Variants in FMN2 observed in about 807,000 individuals in gnomAD.
FMN2 encodes the protein formin-2.
Under a neutral mutation model 142.3 loss-of-function variants are expected in FMN2, and 51 were observed. That is an observed-to-expected ratio of 0.36 (90% CI 0.29 to 0.45). FMN2 has a LOEUF of 0.45. Ranked by LOEUF, FMN2 falls within the 20% of genes least tolerant of loss-of-function variation. The probability of loss-of-function intolerance (pLI) is 1.00; values close to 1 mark genes in which losing one functional copy is unlikely to be tolerated. For synonymous variants in FMN2, 882 were observed against 869.8 expected (o/e 1.01, Z -0.25); for missense variants, 1,936 against 2,122.8 (o/e 0.91, Z 1.73).
At chr1:240,132,747 A>G (rs1327368771) in intron 2 of FMN2, among the ~76,000 whole-genome samples, 2 of 152,146 alleles carry the variant, frequency 1.3e-5, no homozygotes, top group African/African-American at 4.8e-5. Flanking sequence ...TGGACGTGGA[A>G]TACTCTCTAG....
chr1:240,220,648 C>T (rs1479291008), intron 6 of FMN2, among the ~76,000 whole-genome samples: 1 of 148,564 alleles, frequency 6.7e-6, no homozygotes, highest in Non-Finnish European at 1.5e-5. Context: ...GCGGAAGCTT[C>T]ACTGGCATGA....
Position 240,123,228 on chromosome 1 carries a change from A to T in FMN2, c.1665A>T (p.Pro555=). Reference sequence around the variant, plus strand: ...TCAGCCAGCAGGAGAACGGGCCTCCAGAAGAAGCAGAGAAGTTTTGCTCCC... The same window carrying T: ...TCAGCCAGCAGGAGAACGGGCCTCCTGAAGAAGCAGAGAAGTTTTGCTCCC... ...KLFSQQENGP[P]EEAEKFCSRI... The change falls in exon 2 of 18, where the codon CCA becomes CCT. Residue 555 remains proline (P), a synonymous_variant. Transcript: ENST00000319653. 6.2e-7 allele frequency: 1 copy of T among 1,614,202 alleles called. No homozygotes were observed. The highest frequency in any genetic ancestry group is 8.5e-7 in the Non-Finnish European group (1 of 1,180,038).
intron 8 of FMN2, among the ~76,000 whole-genome samples, chr1:240,302,656 A>AC (rs547168509): frequency 2.6e-5 from 4 of 152,222 alleles, no homozygotes; most frequent in African/African-American, 9.6e-5. Context: ...AATTTGCAAT[A>AC]TCTAATATAA....
intron 16 of FMN2, among the ~76,000 whole-genome samples, chr1:240,466,353 T>C (rs919030263): frequency 6.6e-6 from 1 of 152,178 alleles, no homozygotes; most frequent in Non-Finnish European, 1.5e-5. Flanking sequence ...AGTAAAAATT[T>C]ATATAGATGT....
chr1:240,431,081 T>C (rs1228509845), intron 15 of FMN2, among the ~76,000 whole-genome samples: 1 of 151,834 alleles, frequency 6.6e-6, no homozygotes, highest in Non-Finnish European at 1.5e-5. Context: ...CCCAAGAATA[T>C]ATTATACCTT....
At chr1:240,138,480 A>C (rs1558314694) in intron 2 of FMN2, among the ~76,000 whole-genome samples, 2 of 151,936 alleles carry the variant, frequency 1.3e-5, no homozygotes, top group African/African-American at 4.8e-5. Flanking sequence ...CGGGCGGATC[A>C]CTTAAGGTCA....
At chr1:240,456,191 A>G (rs1189951994) in intron 16 of FMN2, among the ~76,000 whole-genome samples, 2 of 152,162 alleles carry the variant, frequency 1.3e-5, no homozygotes, top group Non-Finnish European at 2.9e-5. Context: ...GTCCAGACCC[A>G]TAATCTCTTA....
intron 7 of FMN2, among the ~76,000 whole-genome samples, chr1:240,271,098 G>GC (rs1233218686): frequency 2.8e-5 from 2 of 72,244 alleles, no homozygotes; most frequent in Non-Finnish European, 2.5e-5. Context: ...TTCCACGATG[G>GC]TTTTTTTTTT....
At chr1:240,305,283 C>A (rs1670346759) in intron 8 of FMN2, among the ~76,000 whole-genome samples, 1 of 152,086 alleles carries the variant, frequency 6.6e-6, no homozygotes. Flanking sequence ...CATTTCTTTT[C>A]ATTTAACATT....
intron 13 of FMN2, among the ~76,000 whole-genome samples, chr1:240,337,208 T>C (rs113405181): frequency 6.0e-4 from 58 of 97,186 alleles, no homozygotes; most frequent in Admixed American, 9.6e-4. Flanking sequence ...CTTTTCTTTT[T>C]TTTTTTTTTT....
chr1:240,103,557 T>G (rs1477477129), intron 1 of FMN2, among the ~76,000 whole-genome samples: 1 of 152,216 alleles, frequency 6.6e-6, no homozygotes, highest in African/African-American at 2.4e-5. Flanking sequence ...GATTCCTCCA[T>G]CCTTCTCATA....
At chr1:240,389,801 T>G (rs939089383) in intron 14 of FMN2, among the ~76,000 whole-genome samples, 3 of 151,962 alleles carry the variant, frequency 2.0e-5, no homozygotes, top group Admixed American at 2.0e-4. Context: ...AAAAATAGAT[T>G]GAAAAATTTA....
chr1:240,432,622 A>G (rs551709041), intron 15 of FMN2, among the ~76,000 whole-genome samples: 1 of 152,118 alleles, frequency 6.6e-6, no homozygotes, highest in East Asian at 1.9e-4. Flanking sequence ...CATTCATTTT[A>G]AAGTTCAATT....
intron 15 of FMN2, among the ~76,000 whole-genome samples, chr1:240,423,390 C>A (rs1674836419): frequency 6.6e-6 from 1 of 152,012 alleles, no homozygotes; most frequent in Admixed American, 6.6e-5. Flanking sequence ...TTACAAAATC[C>A]AACACTGCAC....
chr1:240,373,876 G>T (rs2103072640), intron 14 of FMN2, among the ~76,000 whole-genome samples: 1 of 152,266 alleles, frequency 6.6e-6, no homozygotes, highest in East Asian at 1.9e-4. Flanking sequence ...GTTTTCAATT[G>T]ATTTTGCTTG....
intron 15 of FMN2, among the ~76,000 whole-genome samples, chr1:240,414,064 T>C (rs1322748054): frequency 6.6e-6 from 1 of 152,268 alleles, no homozygotes; most frequent in African/African-American, 2.4e-5. Flanking sequence ...TTATTTTCTT[T>C]TTTTAGCTTC....
At chr1:240,455,058 T>C (rs1324529902) in intron 16 of FMN2, among the ~76,000 whole-genome samples, 2 of 151,318 alleles carry the variant, frequency 1.3e-5, no homozygotes, top group Non-Finnish European at 2.9e-5. Context: ...AAAAGTCAAA[T>C]CACTCACAGC....
intron 2 of FMN2, among the ~76,000 whole-genome samples, chr1:240,124,292 C>T (rs998038006): frequency 1.1e-4 from 16 of 152,160 alleles, no homozygotes; most frequent in African/African-American, 3.6e-4. Flanking sequence ...TTATTCTTCC[C>T]AGTGGGCCGG....
chr1:240,280,079 T>C (rs1648454703), intron 7 of FMN2, among the ~76,000 whole-genome samples: 1 of 151,828 alleles, frequency 6.6e-6, no homozygotes, highest in Admixed American at 6.6e-5. Flanking sequence ...ATCTTCTCAG[T>C]CATATGTTAC....
Sources: gnomAD v4.1 joint callset for allele counts (sites outside exome capture counted in the v4.1 genomes callset) on GRCh38, gnomAD v4.1.1 for gene constraint, MANE v1.5 for transcripts, NCBI Gene and HGNC (gene_info 2026-07-23, HGNC 2026-07-21) for gene names.